Variants in CREB3L2 observed in about 807,000 individuals in gnomAD.
CREB3L2 encodes the protein cAMP responsive element binding protein 3 like 2.
In CREB3L2, 23 loss-of-function variants were observed where a neutral mutation model predicts 57.2. The ratio of observed to expected loss-of-function variants is 0.40; its 90% confidence interval spans 0.29 to 0.57. The LOEUF (loss-of-function observed/expected upper bound fraction) is 0.57, where lower values mean the gene tolerates loss of function less well. CREB3L2 is among the 20% of genes least tolerant of loss of function. The pLI is 0.42. For missense variants in CREB3L2, 628 were observed against 634.7 expected (o/e 0.99, Z 0.11); for synonymous variants, 268 against 265.1 (o/e 1.01, Z -0.11).
At chr7:137,883,061 G>C (rs10228244) in intron 10 of CREB3L2, among the ~76,000 whole-genome samples, 1 of 152,114 alleles carries the variant, frequency 6.6e-6, no homozygotes, top group African/African-American at 2.4e-5. Flanking sequence ...ATTTAGAAAG[G>C]GAAGAGGAGA....
At chr7:137,888,355 G>T (rs1241221062) in intron 8 of CREB3L2, among the ~76,000 whole-genome samples, 4 of 150,364 alleles carry the variant, frequency 2.7e-5, no homozygotes, top group African/African-American at 4.8e-5. Flanking sequence ...AAGAAAGTTT[G>T]CAACTAAATG....
intron 10 of CREB3L2, 140 bp downstream of exon 10, chr7:137,884,855 G>T (rs748876451): frequency 5.0e-6 from 6 of 1,210,210 alleles, no homozygotes; most frequent in Non-Finnish European, 6.1e-6. Flanking sequence ...ACCCCCACTT[G>T]CCTCTTCAAA....
At chr7:137,981,814 T>A (rs1801716990) in intron 1 of CREB3L2, among the ~76,000 whole-genome samples, 1 of 152,260 alleles carries the variant, frequency 6.6e-6, no homozygotes, top group Admixed American at 6.5e-5. Flanking sequence ...GTTTCATGTA[T>A]TCTCCAAAAA....
At chr7:137,897,065 T>C (rs1204853481) in intron 8 of CREB3L2, among the ~76,000 whole-genome samples, 1 of 152,072 alleles carries the variant, frequency 6.6e-6, no homozygotes, top group East Asian at 1.9e-4. Context: ...TGCCATATTA[T>C]ATACTAGAAG....
chr7:137,914,916 CAG>C, intron 3 of CREB3L2, among the ~76,000 whole-genome samples: 1 of 152,008 alleles, frequency 6.6e-6, no homozygotes, highest in East Asian at 1.9e-4. Flanking sequence ...TTTCTTGAGA[CAG>C]AGTCTTGCTC....
At chr7:137,907,652 A>C (rs1247119317) in intron 5 of CREB3L2, among the ~76,000 whole-genome samples, 2 of 152,204 alleles carry the variant, frequency 1.3e-5, no homozygotes, top group African/African-American at 2.4e-5. Context: ...ATTTCATAGA[A>C]ATCAATTCAC....
At chr7:137,914,686 T>C (rs1222511270) in intron 3 of CREB3L2, among the ~76,000 whole-genome samples, 1 of 152,052 alleles carries the variant, frequency 6.6e-6, no homozygotes, top group East Asian at 1.9e-4. Context: ...AGGAGACTAA[T>C]ATAGACCAGA....
chr7:137,951,335 G>T (rs577272354), intron 1 of CREB3L2, among the ~76,000 whole-genome samples: 30 of 152,302 alleles, frequency 2.0e-4, no homozygotes, highest in South Asian at 6.2e-4. Context: ...ACTCTTGGCT[G>T]TAGCTCAATG....
chr7:137,988,904 G>A (rs1801834526), intron 1 of CREB3L2, among the ~76,000 whole-genome samples: 1 of 150,294 alleles, frequency 6.7e-6, no homozygotes. Context: ...GATCAGCCTG[G>A]GCAACATAGC....
intron 1 of CREB3L2, among the ~76,000 whole-genome samples, chr7:137,958,934 A>G (rs954299449): frequency 6.6e-5 from 10 of 152,262 alleles, no homozygotes; most frequent in African/African-American, 2.2e-4. Context: ...AAGGGATGTA[A>G]AAACTTAAGT....
intron 1 of CREB3L2, among the ~76,000 whole-genome samples, chr7:137,991,289 G>A (rs986188035): frequency 2.0e-5 from 3 of 151,048 alleles, no homozygotes; most frequent in East Asian, 2.0e-4. Context: ...TCAGCCTCCC[G>A]AGTAGCTGGG....
At chr7:137,992,954 G>A (rs768173337) in intron 1 of CREB3L2, among the ~76,000 whole-genome samples, 4 of 152,230 alleles carry the variant, frequency 2.6e-5, no homozygotes, top group Admixed American at 6.5e-5. Flanking sequence ...TGGTGACCAC[G>A]CACTTGAGAA....
chr7:137,881,262 T>C (rs1050209732), intron 11 of CREB3L2, among the ~76,000 whole-genome samples: 1 of 152,278 alleles, frequency 6.6e-6, no homozygotes, highest in Admixed American at 6.5e-5. Flanking sequence ...CTTAAAAGGA[T>C]TTGTATGATA....
chr7:137,883,501 T>A (rs1021137698), intron 10 of CREB3L2, among the ~76,000 whole-genome samples: 11 of 152,206 alleles, frequency 7.2e-5, no homozygotes, highest in Admixed American at 3.3e-4. Context: ...GCATATAGCA[T>A]GTAGGGTTCA....
chr7:137,905,990 A>C, intron 5 of CREB3L2, 142 bp from the exon 6 acceptor site: 1 of 731,348 alleles, frequency 1.4e-6, no homozygotes, highest in East Asian at 2.7e-5. Context: ...GCTTTGGGTG[A>C]CAGATGGGTA....
At chr7:137,975,372 C>A (rs994458820) in intron 1 of CREB3L2, among the ~76,000 whole-genome samples, 2 of 152,164 alleles carry the variant, frequency 1.3e-5, no homozygotes, top group Non-Finnish European at 2.9e-5. Flanking sequence ...AAATGAGTCC[C>A]ATATTTGGGC....
intron 1 of CREB3L2, among the ~76,000 whole-genome samples, chr7:137,972,740 G>T (rs1044448532): frequency 0.19 from 3,495 of 18,834 alleles, 106 homozygotes; most frequent in East Asian, 0.29. Flanking sequence ...TATATATAGA[G>T]AGAGAGAGAG....
intron 6 of CREB3L2, among the ~76,000 whole-genome samples, chr7:137,904,956 T>A (rs1274731422): frequency 6.6e-6 from 1 of 152,082 alleles, no homozygotes; most frequent in Non-Finnish European, 1.5e-5. Context: ...TGAGTTTAAC[T>A]CCTGGACCTC....
At chr7:137,944,781 T>A (rs535310900) in intron 1 of CREB3L2, among the ~76,000 whole-genome samples, 2 of 152,356 alleles carry the variant, frequency 1.3e-5, no homozygotes, top group South Asian at 4.1e-4. Flanking sequence ...ATAATTGTCT[T>A]TATATATTTA....
Sources: allele counts gnomAD v4.1 joint callset (sites outside exome capture counted in the v4.1 genomes callset), GRCh38; gene constraint gnomAD v4.1.1; transcripts MANE v1.5; gene names NCBI Gene and HGNC (gene_info 2026-07-23, HGNC 2026-07-21).